Variants in RFC5 observed in about 807,000 individuals in gnomAD.
The protein encoded by RFC5 is replication factor C subunit 5.
In RFC5, 26 loss-of-function variants were observed where a neutral mutation model predicts 44.3. That is an observed-to-expected ratio of 0.59 (90% CI 0.43 to 0.81). The LOEUF (loss-of-function observed/expected upper bound fraction) is 0.81, where lower values mean the gene tolerates loss of function less well. Among genes scored for constraint, RFC5 ranks in the 40% least tolerant of loss-of-function variants. The pLI is 0.00. For synonymous variants in RFC5, 155 were observed against 155.2 expected, an observed-to-expected ratio of 1.00 and a Z score of 0.01; for missense variants, 328 against 418.6, an observed-to-expected ratio of 0.78 and a Z score of 1.89.
chr12:118,023,651 C>T (rs949322911), intron 5 of RFC5, among the ~76,000 whole-genome samples: 5 of 152,070 alleles, frequency 3.3e-5, no homozygotes, highest in East Asian at 1.9e-4. Context: ...AGAATGGAAC[C>T]GGTGTCATAA....
At chr12:118,023,251 G>A (rs778721977) in intron 5 of RFC5, among the ~76,000 whole-genome samples, 17 of 151,496 alleles carry the variant, frequency 1.1e-4, no homozygotes, top group Non-Finnish European at 2.4e-4. Context: ...CTGTCTTCAG[G>A]GGCCTAGCGC....
rs1566132127 is a variant in RFC5, at chr12:118,031,606, G to A, written c.*328G>A. Reference sequence around the variant, plus strand: ...CAGGGAATTAGCCTACCCCATTTTGGTCTGGAACAGAAGACTTTCAAATTT... The same window carrying A: ...CAGGGAATTAGCCTACCCCATTTTGATCTGGAACAGAAGACTTTCAAATTT... On this transcript the variant is annotated 3_prime_UTR_variant, in exon 11 of 11. Transcript: ENST00000454402. 1 of 166,194 alleles carries A rather than the reference G, an allele frequency of 6.0e-6. No homozygotes were observed. Among genetic ancestry groups the A allele is most frequent in the African/African-American group, 2.4e-5 (1 of 42,018 alleles). 10.3% of individuals were successfully genotyped at this position (166,194 alleles called of 1,614,324 possible).
At chr12:118,029,895 A>T in intron 10 of RFC5, 70 bp downstream of exon 10, 1 of 1,191,926 alleles carries the variant, frequency 8.4e-7, no homozygotes, top group South Asian at 1.2e-5. Flanking sequence ...ATTTGTTTCA[A>T]CTTTCTTGGT....
At chr12:118,024,754 CT>C in intron 5 of RFC5, 96 bp from the exon 6 acceptor site, 1 of 1,034,332 alleles carries the variant, frequency 9.7e-7, no homozygotes, top group East Asian at 2.4e-5. Context: ...GAATCTTTTC[CT>C]ATACCCTTGT....
intron 1 of RFC5, among the ~76,000 whole-genome samples, chr12:118,017,352 A>G (rs1376589205): frequency 2.0e-5 from 3 of 152,220 alleles, no homozygotes; most frequent in Non-Finnish European, 4.4e-5. Flanking sequence ...TTCGATCCTT[A>G]CAAAGACCGT....
intron 9 of RFC5, among the ~76,000 whole-genome samples, chr12:118,028,718 A>T (rs2031127329): frequency 1.3e-5 from 2 of 152,102 alleles, no homozygotes; most frequent in Non-Finnish European, 2.9e-5. Flanking sequence ...GAAGATATGT[A>T]AACCATGTAA....
rs201152888 is a variant in RFC5, at chr12:118,016,861, C to T, written c.34C>T (p.Pro12Ser). 7.9e-5 allele frequency: 128 copies of T among 1,613,386 alleles called. No individual in the cohort carries two copies. In the Middle Eastern group the frequency reaches 9.9e-4, roughly 12 times the overall value. ...CTCAGCACTCAAGCAGCAGGAGCAG[C>T]CCGCGGCGACCAAGATCAGGAACCT... is the stretch of plus-strand genomic sequence containing the variant. ...ETSALKQQEQ[P>S]AATKIRNLPW... The change falls in exon 1 of 11, where the codon CCC becomes TCC. Residue 12 changes from proline (P) to serine (S), a missense_variant. Transcript: ENST00000454402.
At chr12:118,018,357 T>A (rs5745804) in intron 1 of RFC5, among the ~76,000 whole-genome samples, 2,920 of 152,182 alleles carry the variant, frequency 0.019, 46 homozygotes, top group Non-Finnish European at 0.028. Context: ...CTATTGACAT[T>A]TTGGGCCAGA....
intron 5 of RFC5, among the ~76,000 whole-genome samples, chr12:118,023,596 CTG>C (rs925068295): frequency 2.0e-5 from 3 of 152,162 alleles, no homozygotes; most frequent in African/African-American, 7.2e-5. Flanking sequence ...TGCCGAGTGA[CTG>C]TCATTCTGGG....
downstream of RFC5, chr12:118,034,145 T>G (rs770594983): frequency 2.4e-5 from 39 of 1,608,992 alleles, 1 homozygote; most frequent in South Asian, 4.3e-4. Flanking sequence ...AGCAACTCCC[T>G]TTGACAGGAC....
At chr12:118,039,737 C>A in the RFC5 span, among the ~76,000 whole-genome samples, 96 of 151,710 alleles carry the variant, frequency 6.3e-4, no homozygotes, top group African/African-American at 2.1e-3. Context: ...ATTAATATTT[C>A]TTTTTTATTT....
At chr12:118,035,443 G>T (rs2031489246), downstream of RFC5, 1 of 789,278 alleles carries the variant, frequency 1.3e-6, no homozygotes, top group Non-Finnish European at 2.1e-6. Flanking sequence ...GATGCATTGT[G>T]TGCCCCTCGT....
downstream of RFC5, chr12:118,035,460 G>A (rs2031489991): frequency 1.4e-6 from 1 of 717,884 alleles, no homozygotes; most frequent in Non-Finnish European, 2.3e-6. Context: ...TCGTGGAAAA[G>A]CTTGGGATTT....
In RFC5 at chr12:118,016,864, G is replaced by C; in HGVS notation, c.37G>C (p.Ala13Pro). 1.2e-6 allele frequency: 2 copies of C among 1,613,528 alleles called. No homozygotes were observed. Among genetic ancestry groups the C allele is most frequent in the South Asian group, 2.2e-5 (2 of 91,030 alleles). ...TSALKQQEQP[A>P]ATKIRNLPWV... is the part of the protein sequence containing the mutation. ...AGCACTCAAGCAGCAGGAGCAGCCC[G>C]CGGCGACCAAGATCAGGAACCTGCC... Residue 13 changes from alanine (A) to proline (P), a missense_variant, in exon 1 of 11, where the codon GCG becomes CCG. Coordinates refer to ENST00000454402, the MANE Select transcript of RFC5 (RefSeq NM_007370.7).
At chr12:118,021,725 G>C (rs1052215863) in intron 4 of RFC5, among the ~76,000 whole-genome samples, 1 of 151,854 alleles carries the variant, frequency 6.6e-6, no homozygotes, top group Non-Finnish European at 1.5e-5. Context: ...GGGAGGCCTA[G>C]GCAGGTGGAT....
At chr12:118,038,406 C>T in the RFC5 span, 2 of 1,611,414 alleles carry the variant, frequency 1.2e-6, no homozygotes, top group Non-Finnish European at 1.7e-6. Flanking sequence ...GAAAAAGAAG[C>T]AAACAATGAG....
At chr12:118,020,152 T>G (rs2030386425) in intron 3 of RFC5, among the ~76,000 whole-genome samples, 1 of 152,176 alleles carries the variant, frequency 6.6e-6, no homozygotes, top group Non-Finnish European at 1.5e-5. Context: ...GGCTCCTGGT[T>G]GGGTTTGGCC....
Position 118,016,856 on chromosome 12 carries a change from A to G in RFC5, c.29A>G (p.Glu10Gly). The change falls in exon 1 of 11, where the codon GAG (glutamate) becomes GGG (glycine). Residue 10 changes from glutamate to glycine, a missense_variant. Glu to Gly is a moderately conservative substitution (Grantham distance 98, BLOSUM62 -2). Transcript: ENST00000454402. ...GAGACCTCAGCACTCAAGCAGCAGG[A>G]GCAGCCCGCGGCGACCAAGATCAGG... METSALKQQ[E>G]QPAATKIRNL... The G allele has an allele frequency of 6.2e-7, 1 of 1,613,480 alleles. No individual in the cohort carries two copies. Among genetic ancestry groups the G allele is most frequent in the African/African-American group, 1.3e-5 (1 of 75,010 alleles).
At chr12:118,035,408 C>G, downstream of RFC5, 1 of 1,215,414 alleles carries the variant, frequency 8.2e-7, no homozygotes, top group Non-Finnish European at 1.2e-6. Context: ...GGAAGCCAAA[C>G]TGCCCTGGCT....
Sources: allele counts gnomAD v4.1 joint callset (sites outside exome capture counted in the v4.1 genomes callset), GRCh38; gene constraint gnomAD v4.1.1; transcripts MANE v1.5; gene names NCBI Gene and HGNC (gene_info 2026-07-23, HGNC 2026-07-21).